The following PAFAH1B2 variants were observed in gnomAD, a reference collection of about 807,000 sequenced individuals.
The protein encoded by PAFAH1B2 is platelet-activating factor acetylhydrolase IB subunit alpha2.
A neutral mutation model predicts 28.0 loss-of-function variants in PAFAH1B2; 8 were observed. The ratio of observed to expected loss-of-function variants is 0.29; its 90% CI spans 0.17 to 0.52. The LOEUF (loss-of-function observed/expected upper bound fraction) is 0.52, where lower values mean the gene tolerates loss of function less well. Among genes scored for constraint, PAFAH1B2 ranks in the 20% least tolerant of loss-of-function variants. The pLI, the probability that PAFAH1B2 is intolerant of heterozygous loss-of-function variation, is 0.97. For synonymous variants in PAFAH1B2, 104 were observed against 103.2 expected, an observed-to-expected ratio of 1.01 and a Z score of -0.05; for missense variants, 190 against 282.6, an observed-to-expected ratio of 0.67 and a Z score of 2.35.
At chr11:117,165,349 CAAA>C (rs35084965) in intron 5 of PAFAH1B2, among the ~76,000 whole-genome samples, 18 of 135,528 alleles carry the variant, frequency 1.3e-4, no homozygotes, top group Admixed American at 1.5e-4. Flanking sequence ...AACTCGGTCT[CAAA>C]AAAAAAAAAA....
intron 2 of PAFAH1B2, chr11:117,159,729 T>G: frequency 2.0e-6 from 1 of 502,370 alleles, no homozygotes; most frequent in Admixed American, 3.2e-5. Flanking sequence ...AGCCAGACGC[T>G]GTCTTAGAAA....
At chr11:117,159,671 G>A in intron 2 of PAFAH1B2, 1 of 350,294 alleles carries the variant, frequency 2.9e-6, no homozygotes, top group South Asian at 6.1e-5. Context: ...TGAAGCAGAA[G>A]TTGCAGTGAG....
At chr11:117,157,211 G>A (rs1956272841) in intron 2 of PAFAH1B2, among the ~76,000 whole-genome samples, 1 of 151,926 alleles carries the variant, frequency 6.6e-6, no homozygotes, top group Non-Finnish European at 1.5e-5. Context: ...AAATATGGAA[G>A]CAAGGAAAAA....
chr11:117,175,591 G>A (rs2029935330), downstream of PAFAH1B2: 1 of 1,163,558 alleles, frequency 8.6e-7, no homozygotes, highest in Non-Finnish European at 1.1e-6. Context: ...AACAGAAATA[G>A]TGATAGTCCA....
chr11:117,151,646 T>C (rs1450234101), intron 1 of PAFAH1B2, among the ~76,000 whole-genome samples: 1 of 152,202 alleles, frequency 6.6e-6, no homozygotes, highest in African/African-American at 2.4e-5. Flanking sequence ...ACTACAGTTA[T>C]TTGTGTGATG....
At chr11:117,152,356 AT>A (rs1956170956) in intron 1 of PAFAH1B2, 84 bp from the exon 2 acceptor site, 1 of 764,032 alleles carries the variant, frequency 1.3e-6, no homozygotes, top group East Asian at 2.5e-5. Flanking sequence ...TTTAATTATT[AT>A]TTAAAGCCTG....
downstream of PAFAH1B2, chr11:117,174,990 A>G: frequency 1.4e-6 from 2 of 1,457,374 alleles, no homozygotes; most frequent in Middle Eastern, 3.5e-4. Flanking sequence ...AACTTCATAA[A>G]TCCCCTGTGA....
At position 117,146,118 on chromosome 11, in the gene PAFAH1B2, T is replaced by C. The variant is rs1259990517; in HGVS notation, c.-8+1700T>C. ...CATTCTGCTTGGTCTTTCTTTCTTT[T>C]TTTTTTTTTTTTTTTGTGTGTGTGA... is the stretch of plus-strand genomic sequence containing the variant. On this transcript the variant is annotated intron_variant, in intron 1 of 5. Coordinates refer to ENST00000527958, the MANE Select transcript of PAFAH1B2 (RefSeq NM_002572.4). 2.9e-3 allele frequency among the ~76,000 whole-genome samples: 415 copies of C among 143,098 alleles called. 1 individual carries two copies. Among genetic ancestry groups the C allele is most frequent in the Middle Eastern group, 0.011 (3 of 274 alleles). 93.9% of individuals were successfully genotyped at this position (143,098 alleles called of 152,430 possible).
chr11:117,171,722 C>T (rs1487648699), downstream of PAFAH1B2: 1 of 1,535,922 alleles, frequency 6.5e-7, no homozygotes, highest in South Asian at 1.2e-5. Flanking sequence ...GACACACCAG[C>T]AACTACCAGG....
At chr11:117,152,412 T>C (rs1366157234) in intron 1 of PAFAH1B2, 29 bp from the exon 2 acceptor site, 3 of 1,389,958 alleles carry the variant, frequency 2.2e-6, no homozygotes, top group South Asian at 1.2e-5. Flanking sequence ...TGTTAACAAA[T>C]GAAACATGAC....
At chr11:117,151,851 C>T (rs764168274) in intron 1 of PAFAH1B2, among the ~76,000 whole-genome samples, 4 of 152,002 alleles carry the variant, frequency 2.6e-5, no homozygotes, top group African/African-American at 7.3e-5. Flanking sequence ...GGACTACAGG[C>T]GCCCGCCACC....
chr11:117,164,033 G>C lies in PAFAH1B2; in HGVS notation c.411+141G>C, dbSNP rs184453329. ...TACTTTCGTTGACCTCTTCTTTAAT[G>C]TATTTTACTGTCTTACTGGTTTCAT... is the stretch of plus-strand genomic sequence containing the variant. On this transcript the variant is annotated intron_variant, in intron 5 of 5. Transcript: ENST00000527958. The C allele has an allele frequency of 1.2e-3, 931 of 782,940 alleles. 8 individuals are homozygous for C. The African/African-American group carries it at 0.014, about 11-fold the overall frequency. The allele number at this position is 782,940 out of a possible 1,614,324, so 48.5% of individuals were successfully genotyped here.
At chr11:117,145,726 C>G (rs533557124) in intron 1 of PAFAH1B2, among the ~76,000 whole-genome samples, 53 of 152,310 alleles carry the variant, frequency 3.5e-4, no homozygotes, top group African/African-American at 1.2e-3. Context: ...TACCCACTCC[C>G]TCTGAAACAA....
chr11:117,156,622 A>G (rs1052770977), intron 2 of PAFAH1B2, among the ~76,000 whole-genome samples: 2 of 152,226 alleles, frequency 1.3e-5, no homozygotes, highest in Non-Finnish European at 2.9e-5. Flanking sequence ...CTATTTTTCC[A>G]AATTTATTAC....
At chr11:117,146,108 T>G (rs10892079) in intron 1 of PAFAH1B2, among the ~76,000 whole-genome samples, 100,265 of 149,028 alleles carry the variant, frequency 0.67, 34,556 homozygotes, top group Non-Finnish European at 0.76. Context: ...TGCTTGGTCT[T>G]TCTTTCTTTT....
chr11:117,145,181 G>T (rs889837347), intron 1 of PAFAH1B2, among the ~76,000 whole-genome samples: 8 of 152,078 alleles, frequency 5.3e-5, no homozygotes, highest in African/African-American at 1.9e-4. Flanking sequence ...GGTTTGGGGG[G>T]ATGTTTTTTT....
chr11:117,159,815 T>C (rs1011788106), intron 2 of PAFAH1B2, 119 bp from the exon 3 acceptor site: 6 of 685,630 alleles, frequency 8.8e-6, no homozygotes, highest in Non-Finnish European at 1.6e-5. Context: ...GATCTCAAAC[T>C]CCTGACCTCA....
At chr11:117,157,394 G>A (rs1591741078) in intron 2 of PAFAH1B2, among the ~76,000 whole-genome samples, 1 of 151,988 alleles carries the variant, frequency 6.6e-6, no homozygotes, top group South Asian at 2.1e-4. Context: ...TGCTCACTTT[G>A]GCTTCACAGA....
chr11:117,162,748 C>G (rs746718442), intron 4 of PAFAH1B2, among the ~76,000 whole-genome samples: 1 of 151,858 alleles, frequency 6.6e-6, no homozygotes, highest in Admixed American at 6.6e-5. Flanking sequence ...AGGAAGACTC[C>G]GTTTCAAAAA....
Sources: gnomAD v4.1 joint callset for allele counts (sites outside exome capture counted in the v4.1 genomes callset) on GRCh38, gnomAD v4.1.1 for gene constraint, MANE v1.5 for transcripts, NCBI Gene and HGNC (gene_info 2026-07-23, HGNC 2026-07-21) for gene names.